MALRD1: variants seen among roughly 807,000 people sequenced by gnomAD.
The protein encoded by MALRD1 is MAM and LDL receptor class A domain containing 1, also known as MAM and LDL-receptor class A domain-containing protein 1.
MALRD1 carries 247 observed loss-of-function variants against 242.1 expected under a neutral mutation model. That is an observed-to-expected ratio of 1.02 (90% CI 0.92 to 1.13). The LOEUF is 1.13. Among genes scored for constraint, MALRD1 ranks in the 50% most tolerant of loss-of-function variants. The pLI is 0.00. For synonymous variants in MALRD1, 995 were observed against 866.6 expected (o/e 1.15, Z -2.60); for missense variants, 2,989 against 2,533.1 (o/e 1.18, Z -3.86).
chr10:19,666,711 A>C (rs1372115568), intron 36 of MALRD1, among the ~76,000 whole-genome samples: 2 of 152,216 alleles, frequency 1.3e-5, no homozygotes, highest in Non-Finnish European at 2.9e-5. Flanking sequence ...CAGCTAAAGT[A>C]GATGGAGAAA....
At position 19,632,619 on chromosome 10, in the gene MALRD1, A is replaced by G. The variant is rs531839476; in HGVS notation, c.6137+16696A>G. Among the ~76,000 whole-genome samples the G allele has an allele frequency of 2.0e-5, 3 of 152,270 alleles. No homozygotes were observed. In the South Asian group the frequency reaches 6.2e-4, roughly 32 times the overall value. On this transcript the variant is annotated intron_variant, in intron 36 of 39. Transcript: ENST00000454679. ...AATGATTACCAACATTGTTTCACTT[A>G]TTCAAGGATGTCAGAAACAAATCTA... is the stretch of plus-strand genomic sequence containing the variant.
chr10:19,133,751 A>C (rs1048733327), intron 8 of MALRD1, 105 bp from the exon 9 acceptor site: 4 of 435,932 alleles, frequency 9.2e-6, no homozygotes, highest in Non-Finnish European at 1.5e-5. Flanking sequence ...ACTTTATATC[A>C]TACAGGTAAG....
intron 36 of MALRD1, among the ~76,000 whole-genome samples, chr10:19,667,801 T>C (rs866725318): frequency 2.9e-4 from 44 of 152,072 alleles, no homozygotes; most frequent in Non-Finnish European, 1.5e-4. Context: ...TTACCCAGGG[T>C]ATTTCTTTAT....
chr10:19,081,020 A>G (rs1004964273), intron 2 of MALRD1, among the ~76,000 whole-genome samples: 1 of 152,078 alleles, frequency 6.6e-6, no homozygotes, highest in African/African-American at 2.4e-5. Context: ...AAAAACCTCA[A>G]CATCATTGAT....
chr10:19,239,417 G>C (rs1838658294), intron 18 of MALRD1, among the ~76,000 whole-genome samples: 1 of 152,056 alleles, frequency 6.6e-6, no homozygotes, highest in Admixed American at 6.6e-5. Context: ...CAGATGTATA[G>C]TTTGCAAATA....
intron 28 of MALRD1, among the ~76,000 whole-genome samples, chr10:19,428,513 A>G (rs1188801116): frequency 6.6e-6 from 1 of 152,044 alleles, no homozygotes; most frequent in African/African-American, 2.4e-5. Flanking sequence ...CTTTTCCTTC[A>G]TAAACACCAC....
chr10:19,063,147 C>G (rs868119361), intron 1 of MALRD1, among the ~76,000 whole-genome samples: 5 of 151,414 alleles, frequency 3.3e-5, no homozygotes, highest in African/African-American at 7.3e-5. Context: ...CCCTGTCCCC[C>G]CCCCAAAAAA....
chr10:19,278,399 A>T (rs1000739270), intron 19 of MALRD1, among the ~76,000 whole-genome samples: 1 of 151,970 alleles, frequency 6.6e-6, no homozygotes, highest in Non-Finnish European at 1.5e-5. Context: ...GAAATCTTCC[A>T]TTTGTTATTT....
intron 32 of MALRD1, among the ~76,000 whole-genome samples, chr10:19,554,270 G>A (rs11595212): frequency 1.3e-5 from 2 of 152,152 alleles, no homozygotes; most frequent in South Asian, 2.1e-4. Context: ...GAGGACTCAG[G>A]AAGTTTCCAA....
At chr10:19,064,149 A>T (rs1834902994) in intron 1 of MALRD1, among the ~76,000 whole-genome samples, 1 of 152,144 alleles carries the variant, frequency 6.6e-6, no homozygotes, top group African/African-American at 2.4e-5. Context: ...TGGGATTATA[A>T]AATTGAAAAC....
intron 21 of MALRD1, among the ~76,000 whole-genome samples, chr10:19,299,250 C>T (rs545141472): frequency 4.6e-5 from 7 of 151,910 alleles, no homozygotes; most frequent in East Asian, 1.9e-4. Flanking sequence ...TATAAGGGGG[C>T]GCTTCACATG....
At chr10:19,283,254 C>T in intron 21 of MALRD1, 73 bp downstream of exon 21, 1 of 1,237,808 alleles carries the variant, frequency 8.1e-7, no homozygotes, top group South Asian at 2.4e-5. Context: ...TCTGCCCCCA[C>T]CACCTTATCC....
intron 2 of MALRD1, among the ~76,000 whole-genome samples, chr10:19,082,385 T>A (rs1249521289): frequency 1.3e-5 from 2 of 151,438 alleles, no homozygotes; most frequent in Non-Finnish European, 2.9e-5. Flanking sequence ...TTATTATTGA[T>A]TTTTATCAGT....
At chr10:19,373,936 C>A (rs1845492774) in intron 26 of MALRD1, among the ~76,000 whole-genome samples, 1 of 152,166 alleles carries the variant, frequency 6.6e-6, no homozygotes, top group Non-Finnish European at 1.5e-5. Context: ...TTCTCTCTCA[C>A]CCTGAATAGT....
intron 31 of MALRD1, among the ~76,000 whole-genome samples, chr10:19,500,553 G>C (rs1216111890): frequency 6.6e-6 from 1 of 152,268 alleles, no homozygotes; most frequent in African/African-American, 2.4e-5. Flanking sequence ...AGAAAACAGA[G>C]AGTAAACTGT....
At chr10:19,413,013 CTCTT>C (rs895545321) in intron 28 of MALRD1, among the ~76,000 whole-genome samples, 9 of 152,072 alleles carry the variant, frequency 5.9e-5, no homozygotes, top group South Asian at 4.2e-4. Flanking sequence ...AAAATTGAAT[CTCTT>C]TATGTAAAGA....
intron 32 of MALRD1, among the ~76,000 whole-genome samples, chr10:19,534,849 A>G (rs1834585505): frequency 6.8e-6 from 1 of 147,170 alleles, no homozygotes; most frequent in African/African-American, 2.5e-5. Flanking sequence ...AGATATATAT[A>G]TGCTATTTTA....
chr10:19,289,171 G>A (rs1459649488), intron 21 of MALRD1, among the ~76,000 whole-genome samples: 2 of 152,038 alleles, frequency 1.3e-5, no homozygotes, highest in African/African-American at 4.8e-5. Flanking sequence ...TACATCTTAT[G>A]AATAATCTAT....
intron 34 of MALRD1, among the ~76,000 whole-genome samples, chr10:19,603,284 A>C (rs1838452510): frequency 6.6e-6 from 1 of 152,258 alleles, no homozygotes; most frequent in Non-Finnish European, 1.5e-5. Flanking sequence ...TATGTTCTGA[A>C]TGGAATTGCC....
Sources: allele counts gnomAD v4.1 joint callset (sites outside exome capture counted in the v4.1 genomes callset), GRCh38; gene constraint gnomAD v4.1.1; transcripts MANE v1.5; gene names NCBI Gene and HGNC (gene_info 2026-07-23, HGNC 2026-07-21).